ST3GAL1: variants seen among roughly 807,000 people sequenced by gnomAD.
ST3GAL1 encodes ST3 beta-galactoside alpha-2,3-sialyltransferase 1.
A neutral mutation model predicts 34.1 loss-of-function variants in ST3GAL1; 16 were observed. That is an observed-to-expected ratio of 0.47 (90% CI 0.32 to 0.71). The LOEUF is 0.71. ST3GAL1 is among the 30% of genes least tolerant of loss of function. The pLI is 0.04. For missense variants in ST3GAL1, 353 were observed against 447.4 expected, an observed-to-expected ratio of 0.79 and a Z score of 1.90; for synonymous variants, 191 against 184.7, an observed-to-expected ratio of 1.03 and a Z score of -0.28.
At chr8:133,535,465 C>A (rs1181888123) in intron 2 of ST3GAL1, among the ~76,000 whole-genome samples, 26 of 151,908 alleles carry the variant, frequency 1.7e-4, no homozygotes, top group Non-Finnish European at 7.4e-5. Flanking sequence ...CTATTGGTGC[C>A]ATTTTTCCAA....
At chr8:133,533,209 TTGTGTAAAATTCCTTAAGTCTGTGGTA>T (rs1282362771) in intron 2 of ST3GAL1, among the ~76,000 whole-genome samples, 2 of 151,996 alleles carry the variant, frequency 1.3e-5, no homozygotes, top group East Asian at 3.9e-4. Flanking sequence ...AACCTCAGAG[TTGTGTAAAATTCCTTAAGTCTGTGGTA>T]CCCTGGGGAC....
At chr8:133,518,401 C>A (rs1459462259) in intron 2 of ST3GAL1, among the ~76,000 whole-genome samples, 1 of 152,204 alleles carries the variant, frequency 6.6e-6, no homozygotes, top group African/African-American at 2.4e-5. Flanking sequence ...TAATAAAGTC[C>A]CCATTTAGAA....
intron 3 of ST3GAL1, among the ~76,000 whole-genome samples, chr8:133,482,415 C>T (rs1563705584): frequency 1.3e-5 from 2 of 152,104 alleles, no homozygotes; most frequent in South Asian, 4.1e-4. Context: ...CCAGAGAGGC[C>T]CCAGAGGTGC....
chr8:133,547,411 G>A (rs1028541479), intron 1 of ST3GAL1, among the ~76,000 whole-genome samples: 2 of 152,114 alleles, frequency 1.3e-5, no homozygotes, highest in Non-Finnish European at 2.9e-5. Flanking sequence ...TGGAACTACA[G>A]GTTCGTGCTA....
At position 133,459,591 on chromosome 8, in the gene ST3GAL1, G is replaced by C; in HGVS notation, c.*173C>G. On this transcript the variant is annotated 3_prime_UTR_variant, in exon 10 of 10. Coordinates refer to ENST00000522652, the MANE Select transcript of ST3GAL1 (RefSeq NM_173344.3). The surrounding 1 kb of genome is among the most constrained non-coding windows in gnomAD (Gnocchi z 4.7). ...TGCTCTGCCACGCTGGCAGAGCTTA[G>C]TGACCTTGCTGAGTAGATGCTGCCA... The C allele has an allele frequency of 1.4e-6, 1 of 693,206 alleles. No individual in the cohort carries two copies. Among genetic ancestry groups the C allele is most frequent in the Non-Finnish European group, 2.2e-6 (1 of 450,486 alleles). 42.9% of individuals were successfully genotyped at this position (693,206 alleles called of 1,614,324 possible). A position where few individuals can be genotyped will look rare whatever the true frequency, so the allele number is the denominator to read the frequency against.
intron 2 of ST3GAL1, among the ~76,000 whole-genome samples, chr8:133,505,784 G>A (rs1817314977): frequency 6.6e-6 from 1 of 151,862 alleles, no homozygotes; most frequent in African/African-American, 2.4e-5. Flanking sequence ...TGTATTTTTA[G>A]TGGAGACAGG....
chr8:133,519,806 G>A (rs559219712), intron 2 of ST3GAL1, among the ~76,000 whole-genome samples: 2 of 152,022 alleles, frequency 1.3e-5, no homozygotes, highest in East Asian at 1.9e-4. Context: ...AAACATTAGC[G>A]GGGCATGATA....
intron 2 of ST3GAL1, among the ~76,000 whole-genome samples, chr8:133,524,028 G>A (rs1000562423): frequency 1.3e-5 from 2 of 152,136 alleles, no homozygotes; most frequent in African/African-American, 4.8e-5. Flanking sequence ...CACCACATGT[G>A]ACCCACAGAC....
chr8:133,521,502 T>G (rs1157628131), intron 2 of ST3GAL1, among the ~76,000 whole-genome samples: 1 of 152,206 alleles, frequency 6.6e-6, no homozygotes, highest in Non-Finnish European at 1.5e-5. Flanking sequence ...TTTCATTATC[T>G]TGGCCAGGCT....
intron 2 of ST3GAL1, among the ~76,000 whole-genome samples, chr8:133,534,856 T>G (rs1188601366): frequency 6.6e-6 from 1 of 152,064 alleles, no homozygotes; most frequent in Non-Finnish European, 1.5e-5. Context: ...TCGGTGCTGG[T>G]GAGGGAAAGG....
chr8:133,551,532 GAAAGAGAAGGAAA>G (rs1816554650), intron 1 of ST3GAL1, among the ~76,000 whole-genome samples: 1 of 132,578 alleles, frequency 7.5e-6, no homozygotes, highest in African/African-American at 3.1e-5. Flanking sequence ...GAAAGAGAAA[GAAAGAGAAGGAAA>G]GAAAGAAAGA....
chr8:133,495,316 C>T (rs1816911030), intron 3 of ST3GAL1, among the ~76,000 whole-genome samples: 2 of 152,160 alleles, frequency 1.3e-5, no homozygotes, highest in South Asian at 2.1e-4. Flanking sequence ...AACTCAAGGG[C>T]TTTCTTAGTT....
intron 2 of ST3GAL1, among the ~76,000 whole-genome samples, chr8:133,531,814 G>GAAAAAAAAAAAAAA (rs55909710): frequency 2.0e-5 from 2 of 99,846 alleles, no homozygotes; most frequent in Non-Finnish European, 4.2e-5. Flanking sequence ...CTTAAAAACA[G>GAAAAAAAAAAAAAA]AAAAAAAAAA....
chr8:133,566,104 C>T (rs6984151), intron 1 of ST3GAL1, among the ~76,000 whole-genome samples: 103,583 of 152,126 alleles, frequency 0.68, 36,725 homozygotes, highest in African/African-American at 0.88. Flanking sequence ...CCCACCTCCC[C>T]TGTGTGTCTC....
intron 1 of ST3GAL1, among the ~76,000 whole-genome samples, chr8:133,554,562 C>CAGCATGAGTGAGAGAGGGT (rs1358418500): frequency 3.9e-5 from 6 of 152,080 alleles, no homozygotes; most frequent in African/African-American, 1.4e-4. Flanking sequence ...ATGACCAGGT[C>CAGCATGAGTGAGAGAGGGT]AGCATGAGTG....
chr8:133,561,863 G>A (rs1207403810), intron 1 of ST3GAL1, among the ~76,000 whole-genome samples: 1 of 152,064 alleles, frequency 6.6e-6, no homozygotes, highest in Non-Finnish European at 1.5e-5. Context: ...GGTGATTGAT[G>A]GGGACTCTAA....
At chr8:133,480,754 C>G (rs1307398793) in intron 3 of ST3GAL1, among the ~76,000 whole-genome samples, 1 of 152,246 alleles carries the variant, frequency 6.6e-6, no homozygotes, top group Non-Finnish European at 1.5e-5. Flanking sequence ...CGTGGCTCAT[C>G]ATTCAATTCC....
rs12546234 is a variant in ST3GAL1, at chr8:133,501,112, T to C, written c.-428-1923A>G. Among the ~76,000 whole-genome samples, 510 of 152,302 alleles carry C rather than the reference T, an allele frequency of 3.3e-3. 18 individuals carry two copies. The highest frequency in any genetic ancestry group is 0.031 in the Admixed American group (470 of 15,294). On this transcript the variant is annotated intron_variant, in intron 2 of 9. Coordinates refer to ENST00000522652, the MANE Select transcript of ST3GAL1 (RefSeq NM_173344.3). ...AAACAAACAGCCTCAGACATCGTTC[T>C]TTCTAAGCAAGGCCAGATGTGGGAA... is the stretch of plus-strand genomic sequence containing the variant.
chr8:133,501,552 CA>C (rs33941025), intron 2 of ST3GAL1, among the ~76,000 whole-genome samples: 26,135 of 151,988 alleles, frequency 0.17, 2,451 homozygotes, highest in Middle Eastern at 0.31. Context: ...GTTCAAAGAC[CA>C]GCTTGGCCAA....
Sources: allele counts gnomAD v4.1 joint callset (sites outside exome capture counted in the v4.1 genomes callset), GRCh38; gene constraint gnomAD v4.1.1; non-coding constraint Gnocchi (gnomAD v3.1); transcripts MANE v1.5; gene names NCBI Gene and HGNC (gene_info 2026-07-23, HGNC 2026-07-21).